TLE4: variants seen among roughly 807,000 people sequenced by gnomAD.
TLE4 encodes TLE family member 4, transcriptional corepressor.
TLE4 carries 8 observed loss-of-function variants against 92.8 expected under a neutral mutation model. The observed-to-expected ratio is 0.09, with a 90% CI of 0.05 to 0.16. The LOEUF (loss-of-function observed/expected upper bound fraction) is 0.16, where lower values mean the gene tolerates loss of function less well. TLE4 is among the 10% of genes least tolerant of loss of function. The probability of loss-of-function intolerance (pLI) is 1.00; values close to 1 mark genes in which losing one functional copy is unlikely to be tolerated. For synonymous variants in TLE4, 371 were observed against 374.1 expected, an observed-to-expected ratio of 0.99 and a Z score of 0.10; for missense variants, 675 against 997.6, an observed-to-expected ratio of 0.68 and a Z score of 4.36.
At chr9:79,602,710 G>A (rs892835887) in intron 4 of TLE4, among the ~76,000 whole-genome samples, 2 of 152,142 alleles carry the variant, frequency 1.3e-5, no homozygotes, top group African/African-American at 4.8e-5. Flanking sequence ...ATGTTTTCAT[G>A]CCTGCTAATA....
chr9:79,657,924 C>T (rs1027596385), intron 8 of TLE4, among the ~76,000 whole-genome samples: 5 of 152,154 alleles, frequency 3.3e-5, no homozygotes, highest in African/African-American at 1.2e-4. Context: ...GCCTGGTTCT[C>T]CTGTGTTTTA....
At chr9:79,620,934 A>G (rs764973695) in intron 5 of TLE4, among the ~76,000 whole-genome samples, 7 of 152,054 alleles carry the variant, frequency 4.6e-5, no homozygotes, top group Non-Finnish European at 7.4e-5. Context: ...AGGGCCAGAT[A>G]TTGTGAGAAC....
At position 79,654,052 on chromosome 9, in the gene TLE4, C is replaced by T; in HGVS notation, c.593-7C>T. 1 of 1,613,516 alleles carries T rather than the reference C, an allele frequency of 6.2e-7. No individual in the cohort carries two copies. Among genetic ancestry groups the T allele is most frequent in the Non-Finnish European group, 8.5e-7 (1 of 1,179,718 alleles). On this transcript the variant is annotated splice_region_variant and splice_polypyrimidine_tract_variant and intron_variant, in intron 7 of 19. Coordinates refer to ENST00000376552, the MANE Select transcript of TLE4 (RefSeq NM_007005.6). Reference sequence around the variant, plus strand: ...ATCTGCTTGTGTTGCTGCTGTTTTGCATATAGACAGAGACTCCATCAAGGT... The same window carrying T: ...ATCTGCTTGTGTTGCTGCTGTTTTGTATATAGACAGAGACTCCATCAAGGT...
chr9:79,670,139 A>G (rs1013569163), intron 8 of TLE4, among the ~76,000 whole-genome samples: 2 of 152,108 alleles, frequency 1.3e-5, no homozygotes, highest in Non-Finnish European at 2.9e-5. Flanking sequence ...GAAAACTTGA[A>G]AAGACTCACC....
intron 3 of TLE4, 163 bp from the exon 4 acceptor site, chr9:79,575,970 A>G: frequency 2.3e-6 from 1 of 440,466 alleles, no homozygotes; most frequent in African/African-American, 2.0e-5. Flanking sequence ...TAAGGTGGTT[A>G]AAGATAGTGA....
intron 4 of TLE4, among the ~76,000 whole-genome samples, chr9:79,578,301 G>A (rs1221518048): frequency 2.0e-5 from 3 of 152,162 alleles, no homozygotes; most frequent in Non-Finnish European, 4.4e-5. Flanking sequence ...TTTGTGTCTC[G>A]AAGGGTTCAA....
intron 6 of TLE4, among the ~76,000 whole-genome samples, chr9:79,636,230 A>G (rs2055787789): frequency 6.6e-6 from 1 of 152,124 alleles, no homozygotes; most frequent in South Asian, 2.1e-4. Flanking sequence ...TCGGGAGGCT[A>G]CTGGATCACT....
intron 4 of TLE4, among the ~76,000 whole-genome samples, chr9:79,610,131 G>T (rs1564362123): frequency 6.6e-6 from 1 of 151,982 alleles, no homozygotes. Flanking sequence ...TCATCAGAAA[G>T]CAGGTCGCAG....
chr9:79,708,214 C>G lies in TLE4; in HGVS notation c.1033C>G (p.Pro345Ala). The change falls in exon 12 of 20, where the codon CCT becomes GCT. Residue 345 changes from proline to alanine, a missense_variant. Pro to Ala is a conservative substitution (Grantham distance 27). Around this residue, in one of 5 missense-constraint regions of TLE4, gnomAD observed 280 missense variants for 287.3 expected, o/e 0.97. Coordinates refer to ENST00000376552, the MANE Select transcript of TLE4 (RefSeq NM_007005.6). ...PGSNSTPGLR[P>A]VPGKPPGVDP... is the part of the protein sequence containing the mutation. Reference sequence around the variant, plus strand: ...CAGTAACTCTACTCCCGGATTGAGGCCTGTACCTGGAAAACCACCAGGAGT... The same window carrying G: ...CAGTAACTCTACTCCCGGATTGAGGGCTGTACCTGGAAAACCACCAGGAGT... 1 of 1,614,162 alleles carries G rather than the reference C, an allele frequency of 6.2e-7. No homozygotes were observed. The highest frequency in any genetic ancestry group is 1.1e-5 in the South Asian group (1 of 91,078).
intron 6 of TLE4, among the ~76,000 whole-genome samples, chr9:79,651,031 ATC>A (rs10580766): frequency 0.023 from 3,220 of 138,750 alleles, 121 homozygotes; most frequent in African/African-American, 0.079. Context: ...GGAATGATCG[ATC>A]TCTCTCTCTC....
At chr9:79,593,720 C>T (rs1462465781) in intron 4 of TLE4, among the ~76,000 whole-genome samples, 1 of 152,180 alleles carries the variant, frequency 6.6e-6, no homozygotes, top group Non-Finnish European at 1.5e-5. Flanking sequence ...GTGTCTCCAT[C>T]ATATATGCTG....
At chr9:79,720,810 C>A (rs10732691) in intron 16 of TLE4, among the ~76,000 whole-genome samples, 3 of 151,894 alleles carry the variant, frequency 2.0e-5, no homozygotes, top group Non-Finnish European at 4.4e-5. Flanking sequence ...TCCCATGGGC[C>A]TATGCACTGT....
chr9:79,707,055 A>G (rs2071794187), intron 11 of TLE4, 156 bp downstream of exon 11: 1 of 1,580,706 alleles, frequency 6.3e-7, no homozygotes, highest in East Asian at 2.2e-5. Context: ...AAAAGTATGT[A>G]GAGCAGAATA....
chr9:79,652,419 C>T (rs1024627141), intron 6 of TLE4, among the ~76,000 whole-genome samples, 174 bp from the exon 7 acceptor site: 19 of 152,168 alleles, frequency 1.2e-4, no homozygotes, highest in Admixed American at 9.2e-4. Context: ...AATCTCCTGA[C>T]CTCGTGATCC....
At chr9:79,698,362 C>T (rs1348732742) in intron 8 of TLE4, among the ~76,000 whole-genome samples, 2 of 152,080 alleles carry the variant, frequency 1.3e-5, no homozygotes, top group Non-Finnish European at 2.9e-5. Flanking sequence ...TTTCTCTTAC[C>T]AGTAGAGAAG....
chr9:79,615,916 A>G (rs555590617), intron 5 of TLE4, among the ~76,000 whole-genome samples: 1 of 152,308 alleles, frequency 6.6e-6, no homozygotes, highest in Admixed American at 6.5e-5. Context: ...TCTTGTCATT[A>G]AAAGTGAGTA....
chr9:79,671,590 A>G, intron 8 of TLE4: 2 of 237,798 alleles, frequency 8.4e-6, no homozygotes, highest in Non-Finnish European at 1.8e-5. Context: ...TTTACTACTC[A>G]TACACCTAAT....
At chr9:79,666,519 G>A (rs375921591) in intron 8 of TLE4, among the ~76,000 whole-genome samples, 3 of 152,168 alleles carry the variant, frequency 2.0e-5, no homozygotes, top group African/African-American at 7.2e-5. Context: ...GATTACAGGC[G>A]TGAGCCATCA....
chr9:79,656,224 G>C (rs939198607), intron 8 of TLE4, among the ~76,000 whole-genome samples: 5 of 152,048 alleles, frequency 3.3e-5, no homozygotes, highest in African/African-American at 9.7e-5. Context: ...TTGTTCCATC[G>C]ATCGTCCTCC....
Sources: gnomAD v4.1 joint callset for allele counts (sites outside exome capture counted in the v4.1 genomes callset) on GRCh38, gnomAD v4.1.1 for gene constraint, gnomAD v4.1.1 regional missense constraint, MANE v1.5 for transcripts, NCBI Gene and HGNC (gene_info 2026-07-23, HGNC 2026-07-21) for gene names.